Variants in CCDC136 observed in about 807,000 individuals in gnomAD.
The protein encoded by CCDC136 is coiled-coil domain-containing protein 136.
In CCDC136, 100 loss-of-function variants were observed where a neutral mutation model predicts 141.2. The observed-to-expected ratio is 0.71, with a 90% CI of 0.60 to 0.84. The LOEUF is 0.84. Among genes scored for constraint, CCDC136 ranks in the 40% least tolerant of loss-of-function variants. The probability of loss-of-function intolerance (pLI) is 0.00; values close to 1 mark genes in which losing one functional copy is unlikely to be tolerated. For missense variants in CCDC136, 1,206 were observed against 1,379.4 expected (o/e 0.87, Z 1.99); for synonymous variants, 474 against 531.9 (o/e 0.89, Z 1.50).
intron 3 of CCDC136, among the ~76,000 whole-genome samples, chr7:128,798,404 A>T (rs575091899): frequency 6.6e-6 from 1 of 151,986 alleles, no homozygotes; most frequent in African/African-American, 2.4e-5. Flanking sequence ...AATGCCAGCC[A>T]CCACACCCGG....
Position 128,810,262 on chromosome 7 carries a change from A to T in CCDC136, c.1924A>T (p.Ile642Phe). ...QDCVLKEQLEIHEELRRFKES... is the reference protein window; with the variant it reads ...QDCVLKEQLEFHEELRRFKES... Reference sequence around the variant, plus strand: ...CTGTGTATTAAAAGAACAATTAGAGATCCACGAAGAGCTGCGACGTTTCAA... The same window carrying T: ...CTGTGTATTAAAAGAACAATTAGAGTTCCACGAAGAGCTGCGACGTTTCAA... Residue 642 changes from isoleucine to phenylalanine, a missense_variant, in exon 12 of 18, where the codon ATC becomes TTC. Coordinates refer to ENST00000297788, the MANE Select transcript of CCDC136 (RefSeq NM_022742.5). 2 of 1,613,866 alleles carry T rather than the reference A, an allele frequency of 1.2e-6. No individual in the cohort carries two copies. The highest frequency in any genetic ancestry group is 1.7e-6 in the Non-Finnish European group (2 of 1,179,810).
At chr7:128,809,130 G>A in intron 10 of CCDC136, 1 of 339,636 alleles carries the variant, frequency 2.9e-6, no homozygotes, top group South Asian at 5.2e-5. Context: ...AAAGGAAAGG[G>A]CCGGAGAAGA....
chr7:128,806,522 A>T, intron 8 of CCDC136, 127 bp downstream of exon 8: 1 of 1,083,582 alleles, frequency 9.2e-7, no homozygotes. Context: ...CACCACAGGT[A>T]AAGAACTCCA....
chr7:128,792,461 TC>T (rs746186803), intron 1 of CCDC136, 34 bp downstream of exon 1: 12 of 1,512,938 alleles, frequency 7.9e-6, no homozygotes, highest in Middle Eastern at 3.5e-4. Context: ...TTCTTTCCCC[TC>T]CCCTCCTCCC....
At chr7:128,816,046 C>T in intron 16 of CCDC136, 115 bp downstream of exon 16, 1 of 983,260 alleles carries the variant, frequency 1.0e-6, no homozygotes, top group South Asian at 1.7e-5. Context: ...AGGCCTCGCG[C>T]TCTAAGGCAC....
Position 128,821,928 on chromosome 7 carries a change from G to A in CCDC136, c.*135G>A, listed in dbSNP as rs761509327. On this transcript the variant is annotated 3_prime_UTR_variant, in exon 18 of 18. Coordinates refer to ENST00000297788, the MANE Select transcript of CCDC136 (RefSeq NM_022742.5). The surrounding 1 kb of genome is among the most constrained non-coding windows in gnomAD (Gnocchi z 5.1). ...GGAGTGATGGCAGACCTTGGCCAGC[G>A]CGAGGGCAGATCCCCAGTGGCCACC... The A allele has an allele frequency of 5.0e-5, 64 of 1,289,646 alleles. No homozygotes were observed. Among genetic ancestry groups the A allele is most frequent in the Non-Finnish European group, 5.7e-5 (56 of 988,898 alleles). 79.9% of individuals were successfully genotyped at this position (1,289,646 alleles called of 1,614,324 possible).
chr7:128,804,067 C>T (rs975004077), intron 4 of CCDC136, among the ~76,000 whole-genome samples: 1 of 152,172 alleles, frequency 6.6e-6, no homozygotes. Context: ...CTGCCCACCT[C>T]GGCCTCCCAA....
chr7:128,795,487 A>G (rs1488469667), intron 3 of CCDC136, among the ~76,000 whole-genome samples: 1 of 151,658 alleles, frequency 6.6e-6, no homozygotes, highest in Non-Finnish European at 1.5e-5. Flanking sequence ...ATAAATGGAG[A>G]AAAAAAAGGA....
chr7:128,798,539 A>G (rs999587045), intron 3 of CCDC136, among the ~76,000 whole-genome samples: 2 of 152,020 alleles, frequency 1.3e-5, no homozygotes, highest in African/African-American at 4.8e-5. Flanking sequence ...GGTGTGAGCC[A>G]CCGTGTTTGG....
intron 17 of CCDC136, among the ~76,000 whole-genome samples, chr7:128,819,464 C>T (rs1015091301): frequency 1.3e-5 from 2 of 152,154 alleles, no homozygotes; most frequent in African/African-American, 4.8e-5. Context: ...GAACCTCTGC[C>T]CTCCTCACAG....
At chr7:128,798,191 AAAG>A (rs2128898680) in intron 3 of CCDC136, among the ~76,000 whole-genome samples, 1 of 149,952 alleles carries the variant, frequency 6.7e-6, no homozygotes, top group South Asian at 2.1e-4. Context: ...TGCTGGGATT[AAAG>A]GCGTGAGCCA....
rs1425143069 is a variant in CCDC136 at position 128,812,057 on chromosome 7, T to C, written c.2286T>C (p.Tyr762=). The change falls in exon 13 of 18, where the codon TAT becomes TAC. Residue 762 remains tyrosine (Y), a synonymous_variant. Coordinates refer to ENST00000297788, the MANE Select transcript of CCDC136 (RefSeq NM_022742.5). ...VPSNENCRKT[Y]DTTVDDNESY... ...GCAATGAGAACTGTCGCAAGACTTATGATACCACTGTGGATGACAATGAGA... is the reference window on the plus strand; with the variant it reads ...GCAATGAGAACTGTCGCAAGACTTACGATACCACTGTGGATGACAATGAGA... 5 of 1,614,044 alleles carry C rather than the reference T, an allele frequency of 3.1e-6. No individual in the cohort carries two copies. In the Admixed American group the frequency reaches 6.7e-5, roughly 22 times the overall value.
intron 4 of CCDC136, among the ~76,000 whole-genome samples, chr7:128,803,982 T>G (rs1804447128): frequency 6.6e-6 from 1 of 152,140 alleles, no homozygotes; most frequent in African/African-American, 2.4e-5. Context: ...GCCTGGTTAC[T>G]TTTTGTATTT....
Position 128,806,302 on chromosome 7 carries a change from G to C in CCDC136, c.1155G>C (p.Gln385His). 2 of 1,589,204 alleles carry C rather than the reference G, an allele frequency of 1.3e-6. No individual in the cohort carries two copies. Among genetic ancestry groups the C allele is most frequent in the South Asian group, 2.3e-5 (2 of 86,680 alleles). Reference sequence around the variant, plus strand: ...AATATGATACTAGCCAGGATGAGCAGAACGAGCTCTTGAAGATGCAGCTGC... The same window carrying C: ...AATATGATACTAGCCAGGATGAGCACAACGAGCTCTTGAAGATGCAGCTGC... ...QKKYDTSQDEQNELLKMQLQL... is the reference protein window; with the variant it reads ...QKKYDTSQDEHNELLKMQLQL... Residue 385 changes from glutamine (Q) to histidine (H), a missense_variant, in exon 8 of 18, where the codon CAG becomes CAC. Physicochemically the swap from Gln to His is conservative, Grantham distance 24. Coordinates refer to ENST00000297788, the MANE Select transcript of CCDC136 (RefSeq NM_022742.5).
intron 3 of CCDC136, among the ~76,000 whole-genome samples, chr7:128,795,104 G>C (rs1455095575): frequency 2.0e-5 from 3 of 152,116 alleles, no homozygotes. Context: ...CTCCTGGTCA[G>C]TGCCAGGGGT....
rs117416228 is a variant in CCDC136 at position 128,817,014 on chromosome 7, T to C, written c.3364-744T>C. On this transcript the variant is annotated intron_variant, in intron 16 of 17. Coordinates refer to ENST00000297788, the MANE Select transcript of CCDC136 (RefSeq NM_022742.5). The surrounding 1 kb of genome is among the most constrained non-coding windows in gnomAD (Gnocchi z 4.6). Reference sequence around the variant, plus strand: ...CTATCATGTTTCCTTGAGCTCATCATATTCCACCACGTGCTGGTTCAGAGC... The same window carrying C: ...CTATCATGTTTCCTTGAGCTCATCACATTCCACCACGTGCTGGTTCAGAGC... 7.4e-4 allele frequency among the ~76,000 whole-genome samples: 113 copies of C among 152,348 alleles called. 3 individuals are homozygous for C. The East Asian group carries it at 0.022, about 29-fold the overall frequency.
chr7:128,798,065 C>T lies in CCDC136; in HGVS notation c.347-3121C>T, dbSNP rs568737680. Among the ~76,000 whole-genome samples the T allele has an allele frequency of 1.6e-3, 242 of 150,992 alleles. 7 individuals are homozygous for T. The South Asian group carries it at 0.049, about 31-fold the overall frequency. On this transcript the variant is annotated intron_variant, in intron 3 of 17. Transcript: ENST00000297788. Reference sequence around the variant, plus strand: ...CCCGAGTAGCTGAGACTACAGGCGCCCGCCACCACACCCGGCTAATTTTTT... The same window carrying T: ...CCCGAGTAGCTGAGACTACAGGCGCTCGCCACCACACCCGGCTAATTTTTT...
chr7:128,806,952 G>A lies in CCDC136; in HGVS notation c.1419+94G>A, dbSNP rs1804952496. 3.7e-6 allele frequency: 5 copies of A among 1,353,994 alleles called. No individual in the cohort carries two copies. In the South Asian group the frequency reaches 6.5e-5, roughly 18 times the overall value. The allele number at this position is 1,353,994 out of a possible 1,614,324, so 83.9% of individuals were successfully genotyped here. A position where few individuals can be genotyped will look rare whatever the true frequency, so the allele number is the denominator to read the frequency against. On this transcript the variant is annotated intron_variant, in intron 9 of 17. Transcript: ENST00000297788. ...GACGAGAGGGAATGGTAGGAGTGTG[G>A]AGGAGCTGGCAGTGAGGGGGCCAAA...
intron 12 of CCDC136, among the ~76,000 whole-genome samples, chr7:128,811,556 A>G (rs1385835939): frequency 6.6e-6 from 1 of 152,218 alleles, no homozygotes; most frequent in Non-Finnish European, 1.5e-5. Context: ...AAGTGCAGAA[A>G]CCAGCCGAAA....
Sources: gnomAD v4.1 joint callset for allele counts (sites outside exome capture counted in the v4.1 genomes callset) on GRCh38, gnomAD v4.1.1 for gene constraint, Gnocchi (gnomAD v3.1) non-coding constraint, MANE v1.5 for transcripts, NCBI Gene and HGNC (gene_info 2026-07-23, HGNC 2026-07-21) for gene names.